PPP3CA: variants seen among roughly 807,000 people sequenced by gnomAD.
PPP3CA encodes the protein protein phosphatase 3 catalytic subunit alpha, also known as CAM-PRP catalytic subunit.
A neutral mutation model predicts 66.5 loss-of-function variants in PPP3CA; 14 were observed. That is an observed-to-expected ratio of 0.21 (90% CI 0.14 to 0.33). The LOEUF is 0.33. Among genes scored for constraint, PPP3CA ranks in the 10% least tolerant of loss-of-function variants. The pLI is 1.00. For synonymous variants in PPP3CA, 232 were observed against 226.2 expected (o/e 1.03, Z -0.23); for missense variants, 317 against 639.5 (o/e 0.50, Z 5.44).
chr4:101,200,539 T>C (rs1199488845), intron 1 of PPP3CA, among the ~76,000 whole-genome samples: 2 of 152,118 alleles, frequency 1.3e-5, no homozygotes, highest in African/African-American at 4.8e-5. Context: ...GTCCTATAAA[T>C]GCTGACAAAA....
intron 1 of PPP3CA, among the ~76,000 whole-genome samples, chr4:101,209,484 G>A (rs564558895): frequency 6.6e-6 from 1 of 152,140 alleles, no homozygotes; most frequent in African/African-American, 2.4e-5. Flanking sequence ...CCTGGGGATC[G>A]CCATGCTCAA....
chr4:101,144,799 T>C lies in PPP3CA; in HGVS notation c.260-35721A>G, dbSNP rs924488627. Among the ~76,000 whole-genome samples the C allele has an allele frequency of 3.3e-5, 5 of 152,310 alleles. No individual in the cohort carries two copies. In the East Asian group the frequency reaches 9.6e-4, roughly 29 times the overall value. On this transcript the variant is annotated intron_variant, in intron 2 of 13. Transcript: ENST00000394854. ...ACTGTTAGATATTCCCTGAGGTTCA[T>C]GGTAAAGAAAACCTATTTCATATTT...
intron 1 of PPP3CA, among the ~76,000 whole-genome samples, chr4:101,308,984 T>G (rs1411006881): frequency 6.6e-6 from 1 of 152,062 alleles, no homozygotes; most frequent in Non-Finnish European, 1.5e-5. Flanking sequence ...AAACTTAGCC[T>G]GGCATGGTGG....
intron 1 of PPP3CA, among the ~76,000 whole-genome samples, chr4:101,318,665 C>T (rs1728951858): frequency 6.6e-6 from 1 of 152,064 alleles, no homozygotes. Flanking sequence ...TAATCAATGG[C>T]TTCCAATAAG....
At chr4:101,125,226 G>C (rs1722209263) in intron 2 of PPP3CA, among the ~76,000 whole-genome samples, 2 of 152,188 alleles carry the variant, frequency 1.3e-5, no homozygotes, top group Admixed American at 1.3e-4. Flanking sequence ...ATAAAATGCA[G>C]TACAATATAA....
At position 101,128,890 on chromosome 4, in the gene PPP3CA, G is replaced by A. The variant is rs116016364; in HGVS notation, c.260-19812C>T. On this transcript the variant is annotated intron_variant, in intron 2 of 13. Transcript: ENST00000394854. ...CCCCAGTGGTGGCTGGAAGACAAGC[G>A]AGATGGAACCATTCACTCCCCTGGA... Among the ~76,000 whole-genome samples the A allele has an allele frequency of 6.1e-3, 922 of 152,170 alleles. 12 individuals carry two copies. The highest frequency in any genetic ancestry group is 0.021 in the African/African-American group (869 of 41,508).
At chr4:101,308,956 T>C (rs1173252628) in intron 1 of PPP3CA, among the ~76,000 whole-genome samples, 1 of 151,996 alleles carries the variant, frequency 6.6e-6, no homozygotes, top group Non-Finnish European at 1.5e-5. Flanking sequence ...GGAAACTCCG[T>C]CTCTACAAAA....
rs566604346 is a variant in PPP3CA at position 101,280,319 on chromosome 4, A to G, written c.58+66420T>C. Among the ~76,000 whole-genome samples, 9 of 152,326 alleles carry G rather than the reference A, an allele frequency of 5.9e-5. No individual in the cohort carries two copies. In the South Asian group the frequency reaches 1.9e-3, roughly 32 times the overall value. Reference sequence around the variant, plus strand: ...GAGAAAAGCATGGCAAACAGAGGTAATAGCAAATATAAAGGCCTTGAGCTG... The same window carrying G: ...GAGAAAAGCATGGCAAACAGAGGTAGTAGCAAATATAAAGGCCTTGAGCTG... On this transcript the variant is annotated intron_variant, in intron 1 of 13. Coordinates refer to ENST00000394854, the MANE Select transcript of PPP3CA (RefSeq NM_000944.5).
chr4:101,069,597 T>TACA (rs1483119425), intron 8 of PPP3CA, among the ~76,000 whole-genome samples: 1 of 152,204 alleles, frequency 6.6e-6, no homozygotes, highest in African/African-American at 2.4e-5. Flanking sequence ...TGTGCATGTG[T>TACA]GTGTACTGTT....
intron 2 of PPP3CA, among the ~76,000 whole-genome samples, chr4:101,131,415 TAGAA>T (rs1331151540): frequency 3.7e-5 from 3 of 81,798 alleles, no homozygotes; most frequent in South Asian, 3.6e-4. Flanking sequence ...ACCAAGCAAA[TAGAA>T]AGAAAAAAAA....
At chr4:101,260,475 C>T (rs1490622793) in intron 1 of PPP3CA, among the ~76,000 whole-genome samples, 3 of 152,204 alleles carry the variant, frequency 2.0e-5, no homozygotes, top group East Asian at 3.9e-4. Flanking sequence ...CTTTTACTTC[C>T]TAGCACCATT....
intron 12 of PPP3CA, 104 bp downstream of exon 12, chr4:101,032,163 A>T: frequency 7.2e-6 from 6 of 838,676 alleles, no homozygotes; most frequent in Non-Finnish European, 1.7e-6. Flanking sequence ...GAGAAGAAGA[A>T]CCGAAGACCA....
In PPP3CA at chr4:101,278,906, T is replaced by A. The variant is rs549515451; in HGVS notation, c.58+67833A>T. ...ACTACAAGGATTCTGTAGCCACCACTTTTCATACACACTATATTCTATGCA... is the reference window on the plus strand; with the variant it reads ...ACTACAAGGATTCTGTAGCCACCACATTTCATACACACTATATTCTATGCA... On this transcript the variant is annotated intron_variant, in intron 1 of 13. Coordinates refer to ENST00000394854, the MANE Select transcript of PPP3CA (RefSeq NM_000944.5). 1.1e-4 allele frequency among the ~76,000 whole-genome samples: 17 copies of A among 152,312 alleles called. No homozygotes were observed. In the South Asian group the frequency reaches 3.5e-3, roughly 32 times the overall value.
chr4:101,287,586 C>A (rs550275692), intron 1 of PPP3CA, among the ~76,000 whole-genome samples: 3 of 152,162 alleles, frequency 2.0e-5, no homozygotes, highest in African/African-American at 7.2e-5. Context: ...CTGTCTTCTG[C>A]TCCCATTCAA....
chr4:101,309,926 T>G (rs1051329159), intron 1 of PPP3CA, among the ~76,000 whole-genome samples: 2 of 152,224 alleles, frequency 1.3e-5, no homozygotes, highest in Non-Finnish European at 2.9e-5. Context: ...TTATGATTGA[T>G]TCAACATTTT....
intron 6 of PPP3CA, among the ~76,000 whole-genome samples, chr4:101,088,242 G>GCTA (rs1380949546): frequency 6.6e-5 from 10 of 152,030 alleles, no homozygotes; most frequent in East Asian, 1.9e-4. Flanking sequence ...TGTGAGCTCT[G>GCTA]CTACTGGACT....
intron 1 of PPP3CA, among the ~76,000 whole-genome samples, chr4:101,261,369 C>T (rs895820072): frequency 6.6e-6 from 1 of 152,050 alleles, no homozygotes; most frequent in Non-Finnish European, 1.5e-5. Context: ...TAGCACTGAG[C>T]ACTCCAGACT....
chr4:101,217,576 A>G (rs1225097366), intron 1 of PPP3CA, among the ~76,000 whole-genome samples: 1 of 152,122 alleles, frequency 6.6e-6, no homozygotes, highest in Admixed American at 6.6e-5. Context: ...AGGTGTGGGC[A>G]TTTCACTTCA....
At chr4:101,240,529 G>A (rs914187252) in intron 1 of PPP3CA, among the ~76,000 whole-genome samples, 5 of 151,976 alleles carry the variant, frequency 3.3e-5, no homozygotes, top group African/African-American at 1.2e-4. Flanking sequence ...AAATAACCAG[G>A]TTGGTCTTGG....
Sources: gnomAD v4.1 joint callset for allele counts (sites outside exome capture counted in the v4.1 genomes callset) on GRCh38, gnomAD v4.1.1 for gene constraint, MANE v1.5 for transcripts, NCBI Gene and HGNC (gene_info 2026-07-23, HGNC 2026-07-21) for gene names.